CCNY: variants seen among roughly 807,000 people sequenced by gnomAD.
CCNY encodes cyclin-Y.
CCNY carries 19 observed loss-of-function variants against 42.8 expected under a neutral mutation model. The observed-to-expected ratio is 0.44, with a 90% CI of 0.31 to 0.65. CCNY has a LOEUF of 0.65. Among genes scored for constraint, CCNY ranks in the 30% least tolerant of loss-of-function variants. The pLI, the probability that CCNY is intolerant of heterozygous loss-of-function variation, is 0.07. For missense variants in CCNY, 370 were observed against 437.3 expected (o/e 0.85, Z 1.37); for synonymous variants, 165 against 162.7 (o/e 1.01, Z -0.11).
At chr10:35,476,315 A>C (rs1304350935) in intron 1 of CCNY, among the ~76,000 whole-genome samples, 1 of 152,120 alleles carries the variant, frequency 6.6e-6, no homozygotes, top group Non-Finnish European at 1.5e-5. Context: ...CTCCACCCCA[A>C]ATCAACAGAA....
intron 3 of CCNY, among the ~76,000 whole-genome samples, chr10:35,306,005 T>A (rs554499172): frequency 2.6e-5 from 4 of 152,198 alleles, no homozygotes; most frequent in African/African-American, 4.8e-5. Context: ...TCCTGTGTAA[T>A]TTTTTACTTA....
intron 1 of CCNY, among the ~76,000 whole-genome samples, chr10:35,445,567 G>A (rs1250369012): frequency 6.6e-6 from 1 of 152,146 alleles, no homozygotes; most frequent in African/African-American, 2.4e-5. Context: ...GGTGAGAACA[G>A]TTTTAATTGA....
At position 35,281,402 on chromosome 10, in the gene CCNY, T is replaced by A. The variant is rs1168141092; in HGVS notation, c.-9+30776T>A. Among the ~76,000 whole-genome samples the A allele has an allele frequency of 2.6e-5, 4 of 151,982 alleles. No homozygotes were observed. In the East Asian group the frequency reaches 5.8e-4, roughly 22 times the overall value. ...CAACCTCCTTCCCCCTGGGTTCAAG[T>A]GATTCTCTTGCCTCAGCCTCCCAAG... On this transcript the variant is annotated intron_variant, in intron 3 of 11. Coordinates refer to the CCNY transcript ENST00000374706.
At chr10:35,345,313 T>C (rs1836277363) in intron 1 of CCNY, among the ~76,000 whole-genome samples, 2 of 152,032 alleles carry the variant, frequency 1.3e-5, no homozygotes, top group Admixed American at 6.6e-5. Context: ...ATTTGCATTT[T>C]AAAAAATTAG....
chr10:35,390,970 T>C (rs554671830), intron 1 of CCNY, among the ~76,000 whole-genome samples: 2 of 152,288 alleles, frequency 1.3e-5, no homozygotes, highest in South Asian at 2.1e-4. Flanking sequence ...GTTGAAATAT[T>C]CTTAAAGTGG....
chr10:35,434,734 T>C (rs1272820902), intron 1 of CCNY, among the ~76,000 whole-genome samples: 1 of 152,216 alleles, frequency 6.6e-6, no homozygotes, highest in African/African-American at 2.4e-5. Flanking sequence ...CTGTTTGCCT[T>C]GTTCATATCA....
intron 7 of CCNY, among the ~76,000 whole-genome samples, chr10:35,548,513 G>A (rs1175173456): frequency 2.0e-5 from 3 of 151,968 alleles, no homozygotes; most frequent in African/African-American, 7.3e-5. Flanking sequence ...GGCCAGGATG[G>A]TCTCGATCTC....
intron 1 of CCNY, among the ~76,000 whole-genome samples, chr10:35,426,680 T>C (rs1838280898): frequency 6.6e-6 from 1 of 152,258 alleles, no homozygotes; most frequent in African/African-American, 2.4e-5. Context: ...GCTGAACCAG[T>C]GATGACTTTA....
intron 1 of CCNY, among the ~76,000 whole-genome samples, chr10:35,382,189 G>C (rs1837201242): frequency 1.3e-5 from 2 of 152,178 alleles, no homozygotes; most frequent in African/African-American, 2.4e-5. Flanking sequence ...GAACCGTTAG[G>C]ATAGGAAGAA....
intron 1 of CCNY, 28 bp from the exon 2 acceptor site, chr10:35,483,376 C>T: frequency 1.4e-6 from 2 of 1,435,518 alleles, no homozygotes; most frequent in Non-Finnish European, 9.8e-7. Flanking sequence ...ATGGTTTATT[C>T]ATATAATTTA....
At position 35,314,297 on chromosome 10, in the gene CCNY, T is replaced by C. The variant is rs368698521; in HGVS notation, c.-9+63671T>C. Among the ~76,000 whole-genome samples the C allele has an allele frequency of 4.5e-4, 69 of 152,172 alleles. 1 individual carries two copies. The South Asian group carries it at 0.013, about 30-fold the overall frequency. The stretch of plus-strand genomic sequence containing the variant: ...ATGTGGCTGGGAGGCTTCACAATCA[T>C]GGTGGAAGGCAAAAGGCACATCTTA... On this transcript the variant is annotated intron_variant, in intron 3 of 11. Coordinates refer to the CCNY transcript ENST00000374706.
chr10:35,565,912 C>T, intron 8 of CCNY, 111 bp from the exon 9 acceptor site: 2 of 1,060,436 alleles, frequency 1.9e-6, no homozygotes, highest in Non-Finnish European at 2.8e-6. Context: ...GATCACTGGT[C>T]TTCCTGGAGG....
At chr10:35,283,860 G>A (rs1400520760) in intron 3 of CCNY, among the ~76,000 whole-genome samples, 1 of 152,162 alleles carries the variant, frequency 6.6e-6, no homozygotes, top group Non-Finnish European at 1.5e-5. Context: ...GAGGAGGGCG[G>A]ATCACTTGAG....
chr10:35,307,798 GTGTATA>G (rs1454578213), intron 3 of CCNY, among the ~76,000 whole-genome samples: 27 of 52,110 alleles, frequency 5.2e-4, no homozygotes, highest in African/African-American at 2.8e-3. Flanking sequence ...GTGTGTGTGT[GTGTATA>G]TATATATATA....
At chr10:35,450,239 G>T (rs1048136303) in intron 1 of CCNY, among the ~76,000 whole-genome samples, 8 of 152,094 alleles carry the variant, frequency 5.3e-5, no homozygotes, top group African/African-American at 1.9e-4. Context: ...AGTTGGGAAG[G>T]TAGGAGATGA....
At chr10:35,335,077 C>A (rs1835996262), upstream of CCNY, among the ~76,000 whole-genome samples, 2 of 149,084 alleles carry the variant, frequency 1.3e-5, no homozygotes, top group Non-Finnish European at 1.5e-5. Flanking sequence ...CCCCCCCACC[C>A]CACAAGACTC....
intron 1 of CCNY, among the ~76,000 whole-genome samples, chr10:35,427,666 C>T (rs544340804): frequency 6.6e-6 from 1 of 152,314 alleles, no homozygotes; most frequent in East Asian, 1.9e-4. Flanking sequence ...TGCTGTGACC[C>T]ACAGGGTCAT....
intron 3 of CCNY, among the ~76,000 whole-genome samples, chr10:35,317,187 C>T (rs1055377948): frequency 6.6e-6 from 1 of 152,100 alleles, no homozygotes; most frequent in Non-Finnish European, 1.5e-5. Flanking sequence ...GATAGGGTCT[C>T]CCTGTGTCAC....
intron 9 of CCNY, among the ~76,000 whole-genome samples, chr10:35,567,049 G>A (rs1272774007): frequency 6.6e-6 from 1 of 151,984 alleles, no homozygotes; most frequent in African/African-American, 2.4e-5. Flanking sequence ...TTACCTTTAC[G>A]GACAGGTTTA....
Sources: gnomAD v4.1 joint callset for allele counts (sites outside exome capture counted in the v4.1 genomes callset) on GRCh38, gnomAD v4.1.1 for gene constraint, MANE v1.5 for transcripts, NCBI Gene and HGNC (gene_info 2026-07-23, HGNC 2026-07-21) for gene names.